Variants in SLC41A2 observed in about 807,000 individuals in gnomAD.
SLC41A2 encodes the protein SLC41A1-like 1.
A neutral mutation model predicts 58.3 loss-of-function variants in SLC41A2; 32 were observed. That is an observed-to-expected ratio of 0.55 (90% confidence interval 0.41 to 0.74). The LOEUF (loss-of-function observed/expected upper bound fraction) is 0.74. Among genes scored for constraint, SLC41A2 ranks in the 30% least tolerant of loss-of-function variants. The pLI is 0.00. For missense variants in SLC41A2, 514 were observed against 680.6 expected (o/e 0.76, Z 2.72); for synonymous variants, 190 against 235.0 (o/e 0.81, Z 1.75).
At chr12:104,938,338 C>T (rs1006523541) in intron 1 of SLC41A2, among the ~76,000 whole-genome samples, 11 of 152,128 alleles carry the variant, frequency 7.2e-5, no homozygotes, top group African/African-American at 1.7e-4. Context: ...AAGACTGCTT[C>T]GATGTGATTA....
intron 5 of SLC41A2, among the ~76,000 whole-genome samples, chr12:104,887,045 G>A (rs1279190861): frequency 1.3e-5 from 2 of 152,058 alleles, no homozygotes; most frequent in African/African-American, 4.8e-5. Context: ...CGAGAGAATA[G>A]AAGATGAAAA....
At chr12:104,879,761 A>G (rs907386210) in intron 6 of SLC41A2, among the ~76,000 whole-genome samples, 9 of 152,010 alleles carry the variant, frequency 5.9e-5, no homozygotes, top group African/African-American at 2.2e-4. Flanking sequence ...TTGGCTTAGG[A>G]TTGTCTTGGC....
At chr12:104,839,783 G>A (rs1003065397) in intron 10 of SLC41A2, among the ~76,000 whole-genome samples, 12 of 152,308 alleles carry the variant, frequency 7.9e-5, no homozygotes, top group African/African-American at 2.6e-4. Context: ...GGTTACAGGC[G>A]TAAGCCACTG....
At chr12:104,895,875 T>C (rs979036084) in intron 3 of SLC41A2, among the ~76,000 whole-genome samples, 2 of 152,130 alleles carry the variant, frequency 1.3e-5, no homozygotes, top group African/African-American at 4.8e-5. Context: ...ACCGCAACTA[T>C]TAAATTTTAC....
chr12:104,868,062 T>C (rs1365700778), intron 6 of SLC41A2, among the ~76,000 whole-genome samples: 1 of 151,966 alleles, frequency 6.6e-6, no homozygotes, highest in African/African-American at 2.4e-5. Flanking sequence ...TTTATTTTTA[T>C]ATTTTCTTCT....
intron 3 of SLC41A2, among the ~76,000 whole-genome samples, chr12:104,896,720 G>T (rs1453222397): frequency 2.6e-5 from 4 of 152,170 alleles, no homozygotes; most frequent in African/African-American, 7.2e-5. Flanking sequence ...GTTAAAGAAT[G>T]AGTGAGTGCT....
intron 10 of SLC41A2, among the ~76,000 whole-genome samples, chr12:104,828,549 C>T (rs1241087480): frequency 6.6e-6 from 1 of 152,178 alleles, no homozygotes; most frequent in Non-Finnish European, 1.5e-5. Flanking sequence ...CCCCTAGACA[C>T]TGCTGTGGGT....
intron 2 of SLC41A2, among the ~76,000 whole-genome samples, chr12:104,916,823 T>C (rs2046343208): frequency 6.6e-6 from 1 of 152,034 alleles, no homozygotes; most frequent in Non-Finnish European, 1.5e-5. Context: ...AAAAATTAAT[T>C]CAAGATGGAT....
intron 3 of SLC41A2, among the ~76,000 whole-genome samples, chr12:104,904,118 C>T (rs746971860): frequency 1.3e-5 from 2 of 152,198 alleles, no homozygotes; most frequent in Non-Finnish European, 2.9e-5. Flanking sequence ...ACAGCATGGC[C>T]TATTTCAAAA....
Position 104,936,240 on chromosome 12 carries a change from C to T in SLC41A2, c.-167-7546G>A, listed in dbSNP as rs6539172. ...ATGATAATAAATAATGATTTTGTTA[C>T]TGGTTTATGAATTTACTATACTATA... is the stretch of plus-strand genomic sequence containing the variant. On this transcript the variant is annotated intron_variant, in intron 1 of 10. Coordinates refer to ENST00000258538, the MANE Select transcript of SLC41A2 (RefSeq NM_001352171.3). 5.1e-3 allele frequency among the ~76,000 whole-genome samples: 778 copies of T among 152,156 alleles called. 12 individuals carry two copies. The highest frequency in any genetic ancestry group is 0.018 in the African/African-American group (745 of 41,494).
At chr12:104,956,135 T>C (rs1275839353) in intron 1 of SLC41A2, among the ~76,000 whole-genome samples, 1 of 152,184 alleles carries the variant, frequency 6.6e-6, no homozygotes, top group Non-Finnish European at 1.5e-5. Context: ...TTGACTCCAG[T>C]CAGGAATATG....
chr12:104,860,824 C>T (rs1314856299), intron 8 of SLC41A2, among the ~76,000 whole-genome samples: 1 of 152,072 alleles, frequency 6.6e-6, no homozygotes, highest in Non-Finnish European at 1.5e-5. Context: ...ACCCTCCTAC[C>T]TAGGCCTCCC....
intron 2 of SLC41A2, among the ~76,000 whole-genome samples, chr12:104,912,156 T>TG (rs1194080085): frequency 6.6e-6 from 1 of 152,208 alleles, no homozygotes; most frequent in Non-Finnish European, 1.5e-5. Flanking sequence ...TTATGACACT[T>TG]GCTGTGATAC....
intron 6 of SLC41A2, among the ~76,000 whole-genome samples, chr12:104,884,710 C>A (rs982616861): frequency 5.9e-5 from 9 of 152,184 alleles, no homozygotes; most frequent in African/African-American, 1.9e-4. Context: ...GGCACTAACT[C>A]ATGCCTAACT....
intron 2 of SLC41A2, among the ~76,000 whole-genome samples, chr12:104,915,839 T>C (rs1160441622): frequency 6.6e-6 from 1 of 152,212 alleles, no homozygotes; most frequent in African/African-American, 2.4e-5. Context: ...GGCATCCCTG[T>C]CTTGTGACAC....
At position 104,942,687 on chromosome 12, in the gene SLC41A2, G is replaced by A. The variant is rs80141362; in HGVS notation, c.-167-13993C>T. On this transcript the variant is annotated intron_variant, in intron 1 of 10. Coordinates refer to ENST00000258538, the MANE Select transcript of SLC41A2 (RefSeq NM_001352171.3). Reference sequence around the variant, plus strand: ...CCAGCTTTTTTTACTTTAGCAGTGAGGAAACTTACAGCTACGTCTGAAACT... The same window carrying A: ...CCAGCTTTTTTTACTTTAGCAGTGAAGAAACTTACAGCTACGTCTGAAACT... Among the ~76,000 whole-genome samples, 521 of 152,146 alleles carry A rather than the reference G, an allele frequency of 3.4e-3. 7 individuals are homozygous for A. Among genetic ancestry groups the A allele is most frequent in the African/African-American group, 0.012 (486 of 41,520 alleles).
At chr12:104,938,989 A>T (rs949119786) in intron 1 of SLC41A2, among the ~76,000 whole-genome samples, 13 of 152,328 alleles carry the variant, frequency 8.5e-5, no homozygotes, top group African/African-American at 3.1e-4. Context: ...TTCCTAAAAA[A>T]TAAGTATACA....
At chr12:104,906,341 C>A (rs1222539161) in intron 3 of SLC41A2, among the ~76,000 whole-genome samples, 1 of 152,088 alleles carries the variant, frequency 6.6e-6, no homozygotes, top group African/African-American at 2.4e-5. Flanking sequence ...GCCAATGAAC[C>A]CCAGGAACGC....
chr12:104,929,975 G>C (rs560799750), intron 1 of SLC41A2, among the ~76,000 whole-genome samples: 4 of 152,316 alleles, frequency 2.6e-5, no homozygotes, highest in African/African-American at 9.6e-5. Context: ...ACGTAAGTGG[G>C]TGTTAGGGCC....
Sources: gnomAD v4.1 joint callset for allele counts (sites outside exome capture counted in the v4.1 genomes callset) on GRCh38, gnomAD v4.1.1 for gene constraint, MANE v1.5 for transcripts, NCBI Gene and HGNC (gene_info 2026-07-23, HGNC 2026-07-21) for gene names.